FBXO9: variants seen among roughly 807,000 people sequenced by gnomAD.
The protein encoded by FBXO9 is F-box only protein 9.
Under a neutral mutation model 63.7 loss-of-function variants are expected in FBXO9, and 43 were observed. The ratio of observed to expected loss-of-function variants is 0.67; its 90% CI spans 0.53 to 0.87. FBXO9 has a LOEUF of 0.87. Among genes scored for constraint, FBXO9 ranks in the 40% least tolerant of loss-of-function variants. The pLI is 0.00. For missense variants in FBXO9, 442 were observed against 533.2 expected, an observed-to-expected ratio of 0.83 and a Z score of 1.68; for synonymous variants, 156 against 171.7, an observed-to-expected ratio of 0.91 and a Z score of 0.72.
At position 53,092,565 on chromosome 6, in the gene FBXO9, G is replaced by A. The variant is rs753503752; in HGVS notation, c.772+18G>A. 6.3e-7 allele frequency: 1 copy of A among 1,588,166 alleles called. No individual in the cohort carries two copies. Among genetic ancestry groups the A allele is most frequent in the Non-Finnish European group, 8.6e-7 (1 of 1,157,148 alleles). Reference sequence around the variant, plus strand: ...GTTTGATGGTAAGTTGGATTCTGTAGAACTCAGCAGAAATACTGATCTATA... The same window carrying A: ...GTTTGATGGTAAGTTGGATTCTGTAAAACTCAGCAGAAATACTGATCTATA... On this transcript the variant is annotated intron_variant, in intron 8 of 12. Coordinates refer to ENST00000323557, the MANE Select transcript of FBXO9 (RefSeq NM_033480.3).
In FBXO9 at chr6:53,097,957, T is replaced by TGG; in HGVS notation, c.*127_*128insGG. On this transcript the variant is annotated 3_prime_UTR_variant, in exon 13 of 13. Transcript: ENST00000323557. ...ATATATATATATATATATATATATA[T>TGG]ATATATATATATATATATGGAATTG... The TGG allele has an allele frequency of 6.6e-6, 1 of 152,500 alleles. No individual in the cohort carries two copies. The highest frequency in any genetic ancestry group is 1.3e-5 in the Non-Finnish European group (1 of 75,734). The allele number at this position is 152,500 out of a possible 1,614,324, so 9.4% of individuals were successfully genotyped here.
intron 1 of FBXO9, among the ~76,000 whole-genome samples, chr6:53,066,735 CAGG>C (rs1562060881): frequency 6.6e-6 from 1 of 152,180 alleles, no homozygotes; most frequent in Non-Finnish European, 1.5e-5. Flanking sequence ...ACCTGTGAAA[CAGG>C]AGTAACATGA....
At position 53,095,663 on chromosome 6, in the gene FBXO9, A is replaced by G; in HGVS notation, c.1204A>G (p.Lys402Glu). Reference sequence around the variant, plus strand: ...ACATCATTCTTGTCACATTACTTACAAGTAGGTGAATGCAATAAAAATAAC... The same window carrying G: ...ACATCATTCTTGTCACATTACTTACGAGTAGGTGAATGCAATAAAAATAAC... ...WIHHSCHITY[K>E]STGETAVSAF... Residue 402 changes from lysine (K) to glutamate (E), a missense_variant and splice_region_variant, in exon 12 of 13, where the codon AAA (lysine) becomes GAA (glutamate). Physicochemically the swap from Lys to Glu is moderately conservative, Grantham distance 56. Coordinates refer to ENST00000323557, the MANE Select transcript of FBXO9 (RefSeq NM_033480.3). 6.2e-7 allele frequency: 1 copy of G among 1,605,012 alleles called. No individual in the cohort carries two copies. Among genetic ancestry groups the G allele is most frequent in the South Asian group, 1.1e-5 (1 of 89,046 alleles).
chr6:53,078,094 T>G (rs571098501), intron 4 of FBXO9, among the ~76,000 whole-genome samples: 6 of 152,318 alleles, frequency 3.9e-5, no homozygotes, highest in African/African-American at 1.4e-4. Context: ...ACAAAAACTA[T>G]TCTTTATTCC....
At chr6:53,085,084 A>G (rs1482409271) in intron 7 of FBXO9, among the ~76,000 whole-genome samples, 2 of 152,234 alleles carry the variant, frequency 1.3e-5, no homozygotes, top group Non-Finnish European at 2.9e-5. Context: ...ATAAATAAAA[A>G]TAATATGAAT....
At chr6:53,094,419 A>G (rs1763146119) in intron 11 of FBXO9, among the ~76,000 whole-genome samples, 2 of 152,238 alleles carry the variant, frequency 1.3e-5, no homozygotes, top group African/African-American at 4.8e-5. Flanking sequence ...GTTCTTAAAA[A>G]AGGAAAAAAA....
intron 11 of FBXO9, chr6:53,094,964 A>G (rs1763164361): frequency 5.5e-6 from 1 of 183,206 alleles, no homozygotes; most frequent in African/African-American, 2.4e-5. Context: ...CATAGTGTTT[A>G]CATTTTTTTG....
chr6:53,081,950 T>G (rs1172938440), intron 6 of FBXO9, among the ~76,000 whole-genome samples: 3 of 151,972 alleles, frequency 2.0e-5, no homozygotes, highest in Non-Finnish European at 4.4e-5. Context: ...ATGACTGTAG[T>G]CCCACCTACT....
chr6:53,081,398 A>G (rs1193326839), intron 6 of FBXO9, among the ~76,000 whole-genome samples: 1 of 152,106 alleles, frequency 6.6e-6, no homozygotes, highest in East Asian at 1.9e-4. Flanking sequence ...CAGCCTCCCA[A>G]GTGGCTGGGA....
At chr6:53,088,563 T>TTC (rs1225685290) in intron 7 of FBXO9, among the ~76,000 whole-genome samples, 1 of 152,096 alleles carries the variant, frequency 6.6e-6, no homozygotes, top group African/African-American at 2.4e-5. Flanking sequence ...TAGACCTGTG[T>TTC]TTTAGGTGGT....
In FBXO9 at chr6:53,097,836, C is replaced by A. The variant is rs1487940177; in HGVS notation, c.*6C>A. The A allele has an allele frequency of 6.4e-7, 1 of 1,562,602 alleles. No homozygotes were observed. The highest frequency in any genetic ancestry group is 1.7e-5 in the Admixed American group (1 of 57,402). On this transcript the variant is annotated 3_prime_UTR_variant, in exon 13 of 13. Transcript: ENST00000323557. ...TCTCAGAAAGGCCTCTGTAGAGCCT[C>A]AAGTCCAGTCCTCTATCACTTTTGC...
chr6:53,065,985 C>T, intron 1 of FBXO9, 193 bp downstream of exon 1: 1 of 1,180,996 alleles, frequency 8.5e-7, no homozygotes, highest in Non-Finnish European at 1.1e-6. Flanking sequence ...TGGCTTCTCC[C>T]CAGGATTCCT....
chr6:53,069,562 C>T (rs1048335725), intron 1 of FBXO9, among the ~76,000 whole-genome samples: 5 of 152,132 alleles, frequency 3.3e-5, no homozygotes, highest in African/African-American at 1.2e-4. Flanking sequence ...CTAATCTAGC[C>T]TTTCAAGATC....
chr6:53,097,926 G>A lies in FBXO9; in HGVS notation c.*96G>A, dbSNP rs3203794. 37 of 88,454 alleles carry A rather than the reference G, an allele frequency of 4.2e-4. No homozygotes were observed. The highest frequency in any genetic ancestry group is 1.0e-3 in the South Asian group (3 of 2,906). 5.5% of individuals were successfully genotyped at this position (88,454 alleles called of 1,614,324 possible). On this transcript the variant is annotated 3_prime_UTR_variant, in exon 13 of 13. Coordinates refer to ENST00000323557, the MANE Select transcript of FBXO9 (RefSeq NM_033480.3). ...TAAATGTGTGTGTGTGCGTGTGTGTGTATATATATATATATATATATATAT... is the reference window on the plus strand; with the variant it reads ...TAAATGTGTGTGTGTGCGTGTGTGTATATATATATATATATATATATATAT...
chr6:53,098,392 TTAAAG>T lies in FBXO9; in HGVS notation c.*566_*570del. ...AAGAAAATATATTTGGATGGCCTTT[TTAAAG>T]TAACAGGATATTTAATAAGAGTCCT... is the stretch of plus-strand genomic sequence containing the variant. On this transcript the variant is annotated 3_prime_UTR_variant, in exon 13 of 13. Transcript: ENST00000323557. The T allele has an allele frequency of 6.2e-6, 1 of 162,016 alleles. No homozygotes were observed. The highest frequency in any genetic ancestry group is 1.4e-5 in the Non-Finnish European group (1 of 72,432). The allele number at this position is 162,016 out of a possible 1,614,324, so 10.0% of individuals were successfully genotyped here.
chr6:53,081,007 C>T lies in FBXO9; in HGVS notation c.447C>T (p.Leu149=). 1 of 1,613,716 alleles carries T rather than the reference C, an allele frequency of 6.2e-7. No individual in the cohort carries two copies. The highest frequency in any genetic ancestry group is 8.5e-7 in the Non-Finnish European group (1 of 1,179,870). ...ATGATGACAGCAAAATGGCAGATCT[C>T]TTGTCCTACTTCCAGCAGCAACTCA... is the stretch of plus-strand genomic sequence containing the variant. The part of the protein sequence containing the change: ...DNDDDSKMAD[L]LSYFQQQLTF... The change falls in exon 6 of 13, where the codon CTC becomes CTT. Residue 149 remains leucine (L), a synonymous_variant. Transcript: ENST00000323557.
At chr6:53,087,842 A>G (rs1474473935) in intron 7 of FBXO9, among the ~76,000 whole-genome samples, 1 of 152,196 alleles carries the variant, frequency 6.6e-6, no homozygotes, top group South Asian at 2.1e-4. Context: ...TTAGTTTTGT[A>G]TTAGTGTATT....
At chr6:53,079,914 A>G (rs943607810) in intron 5 of FBXO9, among the ~76,000 whole-genome samples, 1 of 152,148 alleles carries the variant, frequency 6.6e-6, no homozygotes, top group Non-Finnish European at 1.5e-5. Flanking sequence ...AGCTAATAAT[A>G]TTGTTCACCA....
intron 7 of FBXO9, among the ~76,000 whole-genome samples, chr6:53,084,205 A>G (rs1769400711): frequency 6.6e-6 from 1 of 152,224 alleles, no homozygotes; most frequent in Non-Finnish European, 1.5e-5. Context: ...AAGAACAACT[A>G]ATTGAGTAGA....
Sources: gnomAD v4.1 joint callset for allele counts (sites outside exome capture counted in the v4.1 genomes callset) on GRCh38, gnomAD v4.1.1 for gene constraint, MANE v1.5 for transcripts, NCBI Gene and HGNC (gene_info 2026-07-23, HGNC 2026-07-21) for gene names.